GREM2: variants seen among roughly 807,000 people sequenced by gnomAD.
GREM2 encodes the protein gremlin-2.
A neutral mutation model predicts 14.2 loss-of-function variants in GREM2; 11 were observed. The ratio of observed to expected loss-of-function variants is 0.78; its 90% CI spans 0.49 to 1.28. The LOEUF (loss-of-function observed/expected upper bound fraction) is 1.28. GREM2 is among the 50% of genes most tolerant of loss of function. The pLI, the probability that GREM2 is intolerant of heterozygous loss-of-function variation, is 0.00. For synonymous variants in GREM2, 98 were observed against 97.6 expected (o/e 1.00, Z -0.02); for missense variants, 210 against 218.5 (o/e 0.96, Z 0.24).
chr1:240,590,425 T>A (rs1402725409), intron 1 of GREM2, among the ~76,000 whole-genome samples: 1 of 140,256 alleles, frequency 7.1e-6, no homozygotes, highest in East Asian at 2.2e-4. Context: ...CTTTTTCTTT[T>A]TCTTTCTTTT....
rs1486653996 is a variant in GREM2 at position 240,540,958 on chromosome 1, T to C, written c.-1-47482A>G. Among the ~76,000 whole-genome samples the C allele has an allele frequency of 6.6e-6, 1 of 152,170 alleles. No individual in the cohort carries two copies. Among genetic ancestry groups the C allele is most frequent in the Admixed American group, 6.5e-5 (1 of 15,278 alleles). On this transcript the variant is annotated intron_variant, in intron 1 of 1. Transcript: ENST00000318160. This position sits in a 1 kb window ranked among gnomAD's most constrained non-coding sequence, Gnocchi z 4.2. ...AGCATTCTGGACCAGAAGTCTCCTG[T>C]GTTTGTTCTGCTTTTGTGGCACCTT...
intron 1 of GREM2, among the ~76,000 whole-genome samples, chr1:240,584,033 T>C (rs1385571065): frequency 6.6e-6 from 1 of 152,176 alleles, no homozygotes; most frequent in African/African-American, 2.4e-5. Context: ...AGGGTTTATC[T>C]TTACAGTTGG....
rs1470369647 is a variant in GREM2 at position 240,490,008 on chromosome 1, A to C, written c.*2961T>G. 6.6e-6 allele frequency: 1 copy of C among 152,250 alleles called. No homozygotes were observed. The highest frequency in any genetic ancestry group is 2.4e-5 in the African/African-American group (1 of 41,474). 9.4% of individuals were successfully genotyped at this position (152,250 alleles called of 1,614,324 possible). On this transcript the variant is annotated 3_prime_UTR_variant, in exon 2 of 2. Coordinates refer to ENST00000318160, the MANE Select transcript of GREM2 (RefSeq NM_022469.4). The stretch of plus-strand genomic sequence containing the variant: ...TGATTACGGAGTTTTCTTAAATGGC[A>C]GATTAAGTCAATTAATAGAAAAATG...
chr1:240,541,569 T>C (rs1159828409), intron 1 of GREM2, among the ~76,000 whole-genome samples: 4 of 152,194 alleles, frequency 2.6e-5, no homozygotes, highest in Non-Finnish European at 4.4e-5. Context: ...GTGTCAATTA[T>C]GTTTCCCTTG....
At chr1:240,570,293 C>G (rs1375351996) in intron 1 of GREM2, among the ~76,000 whole-genome samples, 1 of 152,046 alleles carries the variant, frequency 6.6e-6, no homozygotes. Flanking sequence ...GAAACCCTGT[C>G]TCCACTAAAA....
At chr1:240,539,204 T>C (rs572823179) in intron 1 of GREM2, among the ~76,000 whole-genome samples, 1 of 152,286 alleles carries the variant, frequency 6.6e-6, no homozygotes, top group South Asian at 2.1e-4. Flanking sequence ...ATGGATTTCT[T>C]ATAAAAGCCC....
At chr1:240,566,008 C>T (rs111254177) in intron 1 of GREM2, among the ~76,000 whole-genome samples, 1,568 of 152,170 alleles carry the variant, frequency 0.01, 15 homozygotes, top group Middle Eastern at 0.024. Flanking sequence ...GTTTGCATTA[C>T]GGTCACAGGC....
chr1:240,525,269 G>T, intron 1 of GREM2, among the ~76,000 whole-genome samples: 1 of 152,156 alleles, frequency 6.6e-6, no homozygotes, highest in African/African-American at 2.4e-5. Context: ...CCGCAGGTAG[G>T]TCTACTGCTC....
chr1:240,493,472 A>C lies in GREM2; in HGVS notation c.4T>G (p.Phe2Val). The change falls in exon 2 of 2, where the codon TTC (phenylalanine) becomes GTC (valine). Residue 2 changes from phenylalanine to valine, a missense_variant. Physicochemically the swap from Phe to Val is conservative, Grantham distance 50. Transcript: ENST00000318160. ...AACAAGGACAGGGAAAGCTTCCAGAACATCCTGCAAACGAGAAAAGAGAGG... is the reference window on the plus strand; with the variant it reads ...AACAAGGACAGGGAAAGCTTCCAGACCATCCTGCAAACGAGAAAAGAGAGG... M[F>V]WKLSLSLFLV... 6.2e-7 allele frequency: 1 copy of C among 1,601,724 alleles called. No homozygotes were observed.
At chr1:240,510,118 C>T (rs1263744840) in intron 1 of GREM2, among the ~76,000 whole-genome samples, 1 of 152,000 alleles carries the variant, frequency 6.6e-6, no homozygotes, top group Non-Finnish European at 1.5e-5. Flanking sequence ...GCCTGTAATC[C>T]CAGCACTTTG....
At chr1:240,539,869 T>C (rs1170584502) in intron 1 of GREM2, among the ~76,000 whole-genome samples, 1 of 152,236 alleles carries the variant, frequency 6.6e-6, no homozygotes, top group African/African-American at 2.4e-5. Flanking sequence ...TGCCCACATC[T>C]GAGACCTTGT....
At chr1:240,583,606 T>A (rs1160625537) in intron 1 of GREM2, among the ~76,000 whole-genome samples, 2 of 86,382 alleles carry the variant, frequency 2.3e-5, no homozygotes, top group African/African-American at 1.1e-4. Flanking sequence ...CTCATCTCTA[T>A]CTTTTTTTTT....
intron 1 of GREM2, among the ~76,000 whole-genome samples, chr1:240,603,355 T>A (rs190841475): frequency 6.6e-6 from 1 of 152,306 alleles, no homozygotes; most frequent in African/African-American, 2.4e-5. Context: ...TAGAGCAAAT[T>A]CAAGTAAACG....
chr1:240,590,620 A>C (rs1202854346), intron 1 of GREM2: 1 of 150,806 alleles, frequency 6.6e-6, no homozygotes, highest in Non-Finnish European at 1.5e-5. Context: ...GTAGAGACAG[A>C]GTTTCACCAT....
At chr1:240,593,496 C>A (rs1679751069) in intron 1 of GREM2, among the ~76,000 whole-genome samples, 1 of 152,168 alleles carries the variant, frequency 6.6e-6, no homozygotes, top group South Asian at 2.1e-4. Context: ...TTTTAAAACC[C>A]AGCACAATGA....
chr1:240,511,401 G>A (rs910245043), intron 1 of GREM2, among the ~76,000 whole-genome samples: 1 of 152,168 alleles, frequency 6.6e-6, no homozygotes, highest in Non-Finnish European at 1.5e-5. Context: ...TAGAGTACAC[G>A]AGAGAATATC....
At chr1:240,601,735 C>T (rs948491159) in intron 1 of GREM2, among the ~76,000 whole-genome samples, 7 of 151,950 alleles carry the variant, frequency 4.6e-5, no homozygotes, top group African/African-American at 1.5e-4. Context: ...GGCGAAACCC[C>T]GTCTCTGCTA....
chr1:240,547,802 C>T (rs922955407), intron 1 of GREM2, among the ~76,000 whole-genome samples: 2 of 151,902 alleles, frequency 1.3e-5, no homozygotes, highest in Non-Finnish European at 2.9e-5. Flanking sequence ...AATCTCTCCA[C>T]TTAATATATG....
At chr1:240,541,952 C>G (rs1224884244) in intron 1 of GREM2, among the ~76,000 whole-genome samples, 2 of 152,108 alleles carry the variant, frequency 1.3e-5, no homozygotes, top group Non-Finnish European at 2.9e-5. Context: ...CTCCACGTCT[C>G]TACTCTGTAC....
Sources: gnomAD v4.1 joint callset for allele counts (sites outside exome capture counted in the v4.1 genomes callset) on GRCh38, gnomAD v4.1.1 for gene constraint, Gnocchi (gnomAD v3.1) non-coding constraint, MANE v1.5 for transcripts, NCBI Gene and HGNC (gene_info 2026-07-23, HGNC 2026-07-21) for gene names.